MYO1D: variants seen among roughly 807,000 people sequenced by gnomAD.
MYO1D encodes the protein unconventional myosin-Id.
A neutral mutation model predicts 122.0 loss-of-function variants in MYO1D; 83 were observed. The observed-to-expected ratio is 0.68, with a 90% CI of 0.57 to 0.82. The LOEUF (loss-of-function observed/expected upper bound fraction) is 0.82, where lower values mean the gene tolerates loss of function less well. Among genes scored for constraint, MYO1D ranks in the 40% least tolerant of loss-of-function variants. MYO1D has a pLI of 0.00. For synonymous variants in MYO1D, 464 were observed against 446.9 expected (o/e 1.04, Z -0.48); for missense variants, 1,157 against 1,269.5 (o/e 0.91, Z 1.35).
chr17:32,543,044 G>A (rs1910889588), intron 21 of MYO1D, among the ~76,000 whole-genome samples: 1 of 151,886 alleles, frequency 6.6e-6, no homozygotes, highest in South Asian at 2.1e-4. Context: ...GGCTAACACG[G>A]TGAAACCCCG....
At chr17:32,555,693 C>T (rs552925862) in intron 21 of MYO1D, among the ~76,000 whole-genome samples, 2 of 152,306 alleles carry the variant, frequency 1.3e-5, no homozygotes, top group African/African-American at 4.8e-5. Flanking sequence ...GTGGCACATC[C>T]ACCAACACCC....
intron 1 of MYO1D, among the ~76,000 whole-genome samples, chr17:32,846,642 A>G (rs1478854723): frequency 6.6e-6 from 1 of 152,226 alleles, no homozygotes; most frequent in Non-Finnish European, 1.5e-5. Flanking sequence ...TGTGGAGAAC[A>G]TTACTCCTTT....
chr17:32,656,148 C>T (rs927455596), intron 17 of MYO1D, among the ~76,000 whole-genome samples: 3 of 152,126 alleles, frequency 2.0e-5, no homozygotes, highest in Admixed American at 6.5e-5. Flanking sequence ...GCTTGAAGTA[C>T]GGAGGTTGGA....
chr17:32,782,207 C>A (rs2090245925), intron 1 of MYO1D, among the ~76,000 whole-genome samples: 1 of 152,162 alleles, frequency 6.6e-6, no homozygotes, highest in Admixed American at 6.5e-5. Flanking sequence ...AAATTCAAAC[C>A]AAGATTTTTA....
At position 32,737,716 on chromosome 17, in the gene MYO1D, T is replaced by A. The variant is rs186342716; in HGVS notation, c.1746+537A>T. 3.9e-5 allele frequency among the ~76,000 whole-genome samples: 6 copies of A among 152,320 alleles called. No individual in the cohort carries two copies. In the East Asian group the frequency reaches 9.6e-4, roughly 24 times the overall value. ...GCTGGTCTCAAGTGATCCTCCCGCCTTGGCCTCCCAAAGTGCTGGGATTAC... is the reference window on the plus strand; with the variant it reads ...GCTGGTCTCAAGTGATCCTCCCGCCATGGCCTCCCAAAGTGCTGGGATTAC... On this transcript the variant is annotated intron_variant, in intron 14 of 21. Transcript: ENST00000318217.
chr17:32,560,791 T>C (rs1476077045), intron 21 of MYO1D, among the ~76,000 whole-genome samples: 2 of 151,336 alleles, frequency 1.3e-5, no homozygotes, highest in Non-Finnish European at 2.9e-5. Flanking sequence ...AGTTAATTTT[T>C]GTATTTTTAG....
chr17:32,546,261 A>G (rs1463329263), intron 21 of MYO1D, among the ~76,000 whole-genome samples: 1 of 152,174 alleles, frequency 6.6e-6, no homozygotes, highest in Admixed American at 6.5e-5. Flanking sequence ...TTCCTTTGGA[A>G]TTCAGTAATG....
At chr17:32,567,572 T>C (rs1709651651) in intron 21 of MYO1D, among the ~76,000 whole-genome samples, 1 of 152,190 alleles carries the variant, frequency 6.6e-6, no homozygotes. Flanking sequence ...CAGACCAATC[T>C]CACTCCAAAC....
At chr17:32,790,919 C>T (rs537779600) in intron 1 of MYO1D, among the ~76,000 whole-genome samples, 2 of 152,156 alleles carry the variant, frequency 1.3e-5, no homozygotes, top group East Asian at 1.9e-4. Flanking sequence ...TGAAGAAAAG[C>T]GGATTCTATC....
At chr17:32,506,746 C>T (rs1909514324) in intron 21 of MYO1D, among the ~76,000 whole-genome samples, 1 of 152,194 alleles carries the variant, frequency 6.6e-6, no homozygotes. Flanking sequence ...ATCATGATGA[C>T]AGTTTAGGTA....
At chr17:32,713,231 G>A (rs1378992086) in intron 15 of MYO1D, among the ~76,000 whole-genome samples, 1 of 152,140 alleles carries the variant, frequency 6.6e-6, no homozygotes, top group African/African-American at 2.4e-5. Context: ...GGTATATGGT[G>A]TGAGGTATGG....
intron 21 of MYO1D, among the ~76,000 whole-genome samples, chr17:32,555,612 T>G (rs1427115600): frequency 6.6e-6 from 1 of 152,222 alleles, no homozygotes. Flanking sequence ...ATCCTAGGCT[T>G]GTCGCAATCT....
At chr17:32,826,011 T>A (rs1448600002) in intron 1 of MYO1D, among the ~76,000 whole-genome samples, 1 of 143,318 alleles carries the variant, frequency 7.0e-6, no homozygotes, top group Non-Finnish European at 1.5e-5. Flanking sequence ...ATGGTGCCAC[T>A]GCATTCCAGC....
intron 1 of MYO1D, among the ~76,000 whole-genome samples, chr17:32,854,493 C>T (rs568134275): frequency 6.6e-6 from 1 of 152,372 alleles, no homozygotes; most frequent in South Asian, 2.1e-4. Context: ...AGGGAGAAAT[C>T]ATTGGCGAAG....
chr17:32,530,997 C>A (rs1910492608), intron 21 of MYO1D, among the ~76,000 whole-genome samples: 1 of 152,118 alleles, frequency 6.6e-6, no homozygotes, highest in South Asian at 2.1e-4. Flanking sequence ...TCTGTCCTCA[C>A]TCCCTTTGGA....
At chr17:32,657,581 T>C (rs1430079967) in intron 17 of MYO1D, among the ~76,000 whole-genome samples, 1 of 152,274 alleles carries the variant, frequency 6.6e-6, no homozygotes, top group East Asian at 1.9e-4. Context: ...AGTGTGCTTG[T>C]GTGCACGCAC....
intron 15 of MYO1D, among the ~76,000 whole-genome samples, chr17:32,713,729 T>C (rs953544846): frequency 8.5e-5 from 13 of 152,134 alleles, no homozygotes; most frequent in African/African-American, 2.7e-4. Context: ...CCGGTCCAAG[T>C]GATTCTCCTG....
At chr17:32,509,008 A>C (rs915888329) in intron 21 of MYO1D, among the ~76,000 whole-genome samples, 4 of 152,210 alleles carry the variant, frequency 2.6e-5, no homozygotes, top group Non-Finnish European at 5.9e-5. Context: ...ATGATTAAGA[A>C]AGCAGCTGGG....
chr17:32,851,538 A>G (rs190621212), intron 1 of MYO1D, among the ~76,000 whole-genome samples: 2 of 152,242 alleles, frequency 1.3e-5, no homozygotes, highest in Non-Finnish European at 1.5e-5. Context: ...ACTCCCTACC[A>G]TTCTACCAAG....
Sources: gnomAD v4.1 joint callset for allele counts (sites outside exome capture counted in the v4.1 genomes callset) on GRCh38, gnomAD v4.1.1 for gene constraint, MANE v1.5 for transcripts, NCBI Gene and HGNC (gene_info 2026-07-23, HGNC 2026-07-21) for gene names.